The following CTU1 variants were observed in gnomAD, a reference collection of about 807,000 sequenced individuals.
CTU1 encodes the protein cytoplasmic tRNA 2-thiolation protein 1.
Under a neutral mutation model 12.9 loss-of-function variants are expected in CTU1, and 15 were observed. The ratio of observed to expected loss-of-function variants is 1.16; its 90% CI spans 0.78 to 1.79. CTU1 has a LOEUF of 1.79. Among genes scored for constraint, CTU1 ranks in the 40% most tolerant of loss-of-function variants. The probability of loss-of-function intolerance (pLI) is 0.00; values close to 1 mark genes in which losing one functional copy is unlikely to be tolerated. For synonymous variants in CTU1, 295 were observed against 275.6 expected (o/e 1.07, Z -0.70); for missense variants, 553 against 550.5 (o/e 1.00, Z -0.05).
rs540401377 is a variant in CTU1, at chr19:51,103,813, A to G, written c.508+249T>C. On this transcript the variant is annotated intron_variant, in intron 2 of 2. Transcript: ENST00000421832. ...AGACCAAGACGGTGGCCAAGACCCA[A>G]AAACCTTTGTGATCACTGCCTGGCC... Among the ~76,000 whole-genome samples, 21 of 152,302 alleles carry G rather than the reference A, an allele frequency of 1.4e-4. No homozygotes were observed. In the East Asian group the frequency reaches 4.1e-3, roughly 29 times the overall value.
chr19:51,104,268 G>A lies in CTU1; in HGVS notation c.302C>T (p.Ala101Val). Reference sequence around the variant, plus strand: ...CCAGCGCGCCGCCTGGCGCCGCACGGCCGCCAACGCCGCGTCCCGGTAGCC... The same window carrying A: ...CCAGCGCGCCGCCTGGCGCCGCACGACCGCCAACGCCGCGTCCCGGTAGCC... ...IGGYRDAALA[A>V]VRRQAARWEL... The change falls in exon 2 of 3, where the codon GCC becomes GTC. Residue 101 changes from alanine (A) to valine (V), a missense_variant. Around this residue, in one of 2 missense-constraint regions of CTU1, gnomAD observed 500 missense variants for 458.5 expected, o/e 1.09. Coordinates refer to ENST00000421832, the MANE Select transcript of CTU1 (RefSeq NM_145232.4). 6.7e-7 allele frequency: 1 copy of A among 1,503,036 alleles called. No homozygotes were observed. Among genetic ancestry groups the A allele is most frequent in the Middle Eastern group, 1.7e-4 (1 of 5,816 alleles). 93.1% of individuals were successfully genotyped at this position (1,503,036 alleles called of 1,614,324 possible).
intron 2 of CTU1, among the ~76,000 whole-genome samples, chr19:51,102,597 G>A (rs1430542675): frequency 6.6e-6 from 1 of 152,114 alleles, no homozygotes; most frequent in East Asian, 1.9e-4. Context: ...TGGTCTCCTC[G>A]GCTTTGTCCC....
chr19:51,099,022 C>A lies in CTU1; in HGVS notation c.626G>T (p.Arg209Leu). The change falls in exon 3 of 3, where the codon CGC becomes CTC. Residue 209 changes from arginine (R) to leucine (L), a missense_variant. Physicochemically the swap from Arg to Leu is moderately radical, Grantham distance 102. Transcript: ENST00000421832. ...GSPGEGGALPRCRPLQFASQK... is the reference protein window; with the variant it reads ...GSPGEGGALPLCRPLQFASQK... ...CGAGGCGAACTGCAGCGGGCGGCAG[C>A]GCGGCAGGGCGCCCCCCTCGCCGGG... 1 of 1,509,312 alleles carries A rather than the reference C, an allele frequency of 6.6e-7. No individual in the cohort carries two copies. The highest frequency in any genetic ancestry group is 8.8e-7 in the Non-Finnish European group (1 of 1,132,498). 93.5% of individuals were successfully genotyped at this position (1,509,312 alleles called of 1,614,324 possible).
intron 1 of CTU1, among the ~76,000 whole-genome samples, chr19:51,104,922 T>A (rs2091916769): frequency 6.6e-6 from 1 of 151,462 alleles, no homozygotes; most frequent in Non-Finnish European, 1.5e-5. Context: ...GGGATGGGGG[T>A]GTATATTAAG....
intron 1 of CTU1, among the ~76,000 whole-genome samples, chr19:51,107,233 G>T (rs919100587): frequency 1.3e-5 from 2 of 152,080 alleles, no homozygotes; most frequent in Admixed American, 6.6e-5. Context: ...ACAGTAAAGT[G>T]GTATGATCTG....
At chr19:51,104,699 G>T (rs939857524) in intron 1 of CTU1, 109 bp from the exon 2 acceptor site, 2 of 879,934 alleles carry the variant, frequency 2.3e-6, no homozygotes, top group East Asian at 7.3e-5. Context: ...AGACCAGGGA[G>T]ACGTGTGCGC....
At chr19:51,100,847 GA>G (rs1264010148) in intron 2 of CTU1, among the ~76,000 whole-genome samples, 4 of 151,564 alleles carry the variant, frequency 2.6e-5, no homozygotes, top group Non-Finnish European at 5.9e-5. Context: ...AGCAGCCAGA[GA>G]AAACAACTGG....
At chr19:51,100,126 T>G (rs1351540803) in intron 2 of CTU1, among the ~76,000 whole-genome samples, 1 of 152,008 alleles carries the variant, frequency 6.6e-6, no homozygotes, top group Non-Finnish European at 1.5e-5. Flanking sequence ...CCCTGGGCAC[T>G]GTGGTGCAGC....
rs1490281339 is a variant in CTU1, at chr19:51,097,780, C to T, written c.*821G>A. ...TCACCGACAGGCTCACACAACCCTG[C>T]CTCCAGAGTCCAAGGTTTGGGGAAC... is the stretch of plus-strand genomic sequence containing the variant. On this transcript the variant is annotated 3_prime_UTR_variant, in exon 3 of 3. Coordinates refer to ENST00000421832, the MANE Select transcript of CTU1 (RefSeq NM_145232.4). The T allele has an allele frequency of 6.6e-6, 1 of 152,224 alleles. No individual in the cohort carries two copies. The highest frequency in any genetic ancestry group is 1.5e-5 in the Non-Finnish European group (1 of 68,104). 9.4% of individuals were successfully genotyped at this position (152,224 alleles called of 1,614,324 possible).
In CTU1 at chr19:51,104,435, G is replaced by A. The variant is rs1298339248; in HGVS notation, c.135C>T (p.Gly45=). ...EAEVLHTVLA[G]RLLPPGAVVA... ...CCACCGCGCCGGGCGGCAGCAGGCG[G>A]CCGGCGAGCACCGTGTGCAGCACCT... The change falls in exon 2 of 3, where the codon GGC becomes GGT. Residue 45 remains glycine, a synonymous_variant. Coordinates refer to ENST00000421832, the MANE Select transcript of CTU1 (RefSeq NM_145232.4). The A allele has an allele frequency of 4.9e-6, 6 of 1,230,634 alleles. No individual in the cohort carries two copies. The highest frequency in any genetic ancestry group is 9.1e-5 in the Admixed American group (2 of 22,052). 76.2% of individuals were successfully genotyped at this position (1,230,634 alleles called of 1,614,324 possible). A position where few individuals can be genotyped will look rare whatever the true frequency, so the allele number is the denominator to read the frequency against.
At chr19:51,107,066 C>A (rs1471528774) in intron 1 of CTU1, among the ~76,000 whole-genome samples, 1 of 152,190 alleles carries the variant, frequency 6.6e-6, no homozygotes, top group African/African-American at 2.4e-5. Flanking sequence ...CTCCTCACCC[C>A]CTAAATCTAC....
In CTU1 at chr19:51,100,737, T is replaced by C. The variant is rs369072797; in HGVS notation, c.509-1598A>G. Reference sequence around the variant, plus strand: ...GAGAAAGGCAGCACTCTTGACACTTTGATTTTAGCCCGGTGAGACTTCCCA... The same window carrying C: ...GAGAAAGGCAGCACTCTTGACACTTCGATTTTAGCCCGGTGAGACTTCCCA... On this transcript the variant is annotated intron_variant, in intron 2 of 2. Transcript: ENST00000421832. Among the ~76,000 whole-genome samples, 7 of 152,184 alleles carry C rather than the reference T, an allele frequency of 4.6e-5. No homozygotes were observed. In the East Asian group the frequency reaches 1.3e-3, roughly 29 times the overall value.
intron 2 of CTU1, among the ~76,000 whole-genome samples, chr19:51,101,912 C>T (rs569284696): frequency 1.3e-5 from 2 of 152,104 alleles, no homozygotes; most frequent in Non-Finnish European, 2.9e-5. Flanking sequence ...CCTTGCAAGT[C>T]AGGGATTTTT....
chr19:51,104,340 C>T lies in CTU1; in HGVS notation c.230G>A (p.Arg77His). The T allele has an allele frequency of 6.8e-7, 1 of 1,468,182 alleles. No individual in the cohort carries two copies. The highest frequency in any genetic ancestry group is 9.0e-7 in the Non-Finnish European group (1 of 1,114,964). 90.9% of individuals were successfully genotyped at this position (1,468,182 alleles called of 1,614,324 possible). Residue 77 changes from arginine to histidine, a missense_variant, in exon 2 of 3, where the codon CGC (arginine) becomes CAC (histidine). Around this residue, in one of 2 missense-constraint regions of CTU1, gnomAD observed 500 missense variants for 458.5 expected, o/e 1.09. Coordinates refer to ENST00000421832, the MANE Select transcript of CTU1 (RefSeq NM_145232.4). ...LAHVLRALAP[R>H]LGISLQLVAV... ...CACGAGCTGCAGTGAGATGCCCAGG[C>T]GCGGCGCCAGCGCGCGCAGCACGTG...
intron 1 of CTU1, among the ~76,000 whole-genome samples, chr19:51,106,660 CA>C (rs1312753863): frequency 4.6e-5 from 7 of 151,044 alleles, no homozygotes; most frequent in Non-Finnish European, 8.8e-5. Context: ...CGTGTACCAC[CA>C]TGCCTGGCTA....
intron 1 of CTU1, among the ~76,000 whole-genome samples, chr19:51,106,808 G>C (rs1350843937): frequency 1.3e-5 from 2 of 151,884 alleles, no homozygotes; most frequent in Non-Finnish European, 2.9e-5. Context: ...GTAAGCCACT[G>C]TGCCCAGCTT....
At position 51,098,485 on chromosome 19, in the gene CTU1, C is replaced by G; in HGVS notation, c.*116G>C. ...TCAGGGTTTCAGGTGAATGGGCCCC[C>G]GTCTCCTTCCCAACCCCACATGGAA... On this transcript the variant is annotated 3_prime_UTR_variant, in exon 3 of 3. Transcript: ENST00000421832. The surrounding 1 kb of genome is among the most constrained non-coding windows in gnomAD (Gnocchi z 4.3). 2.0e-6 allele frequency: 2 copies of G among 1,021,140 alleles called. No homozygotes were observed. Among genetic ancestry groups the G allele is most frequent in the Non-Finnish European group, 2.5e-6 (2 of 806,830 alleles). The allele number at this position is 1,021,140 out of a possible 1,614,324, so 63.3% of individuals were successfully genotyped here.
In CTU1 at chr19:51,101,090, G is replaced by A. The variant is rs150863015; in HGVS notation, c.509-1951C>T. On this transcript the variant is annotated intron_variant, in intron 2 of 2. Coordinates refer to ENST00000421832, the MANE Select transcript of CTU1 (RefSeq NM_145232.4). The stretch of plus-strand genomic sequence containing the variant: ...CTCCAGAGTAGCTGGGACCACAGGT[G>A]TGTGCCACCATGCCCAGCTAATTTT... Among the ~76,000 whole-genome samples, 675 of 152,046 alleles carry A rather than the reference G, an allele frequency of 4.4e-3. 5 individuals are homozygous for A. The highest frequency in any genetic ancestry group is 0.015 in the African/African-American group (639 of 41,468).
rs1238095072 is a variant in CTU1 at position 51,098,644 on chromosome 19, TC to T, written c.1003del (p.Asp335IlefsTer24). On this transcript the variant is annotated frameshift_variant, in exon 3 of 3. Transcript: ENST00000421832. LOFTEE classifies it low-confidence loss of function (END_TRUNC). The surrounding 1 kb of genome is among the most constrained non-coding windows in gnomAD (Gnocchi z 4.3). ...DEEATPGTPG[D>X]PARPPASKAV... ...CTTGGAGGCGGGGGGCCGGGCCGGATCCCCGGGCGTCCCCGGCGTCGCCTCC... is the reference window on the plus strand; with the variant it reads ...CTTGGAGGCGGGGGGCCGGGCCGGATCCCGGGCGTCCCCGGCGTCGCCTCC... 1.5e-6 allele frequency: 2 copies of T among 1,308,880 alleles called. No homozygotes were observed. Among genetic ancestry groups the T allele is most frequent in the Non-Finnish European group, 1.9e-6 (2 of 1,027,992 alleles). 81.1% of individuals were successfully genotyped at this position (1,308,880 alleles called of 1,614,324 possible).
Sources: allele counts gnomAD v4.1 joint callset (sites outside exome capture counted in the v4.1 genomes callset), GRCh38; gene constraint gnomAD v4.1.1; regional missense constraint gnomAD v4.1.1; non-coding constraint Gnocchi (gnomAD v3.1); transcripts MANE v1.5; gene names NCBI Gene and HGNC (gene_info 2026-07-23, HGNC 2026-07-21).